Variants in CSF1R observed in about 807,000 individuals in gnomAD.
CSF1R encodes the protein colony stimulating factor 1 receptor.
A neutral mutation model predicts 110.0 loss-of-function variants in CSF1R; 40 were observed. That is an observed-to-expected ratio of 0.36 (90% CI 0.28 to 0.47). CSF1R has a LOEUF of 0.47. Among genes scored for constraint, CSF1R ranks in the 20% least tolerant of loss-of-function variants. The pLI is 0.99. For synonymous variants in CSF1R, 523 were observed against 503.4 expected (o/e 1.04, Z -0.52); for missense variants, 1,052 against 1,253.0 (o/e 0.84, Z 2.42).
intron 1 of CSF1R, among the ~76,000 whole-genome samples, chr5:150,098,695 G>A (rs1419059045): frequency 6.6e-6 from 1 of 151,850 alleles, no homozygotes; most frequent in Non-Finnish European, 1.5e-5. Flanking sequence ...TAAAAACAAG[G>A]AAAACATTGA....
intron 19 of CSF1R, 164 bp from the exon 20 acceptor site, chr5:150,054,594 C>T (rs1757106580): frequency 3.3e-6 from 2 of 597,852 alleles, no homozygotes; most frequent in Non-Finnish European, 5.9e-6. Flanking sequence ...CCATTTAATC[C>T]TCACAGTAAC....
At chr5:150,109,063 C>G (rs1418960253) in intron 1 of CSF1R, among the ~76,000 whole-genome samples, 1 of 126,896 alleles carries the variant, frequency 7.9e-6, no homozygotes, top group African/African-American at 3.0e-5. Context: ...AGCCCGCCCC[C>G]CCCCCACCAC....
Position 150,060,919 on chromosome 5 carries a change from T to C in CSF1R, c.1912A>G (p.Ser638Gly). The change falls in exon 13 of 21, where the codon AGC becomes GGC. Residue 638 changes from serine (S) to glycine (G), a missense_variant. Physicochemically the swap from Ser to Gly is moderately conservative, Grantham distance 56. This residue lies in a region of CSF1R where 76 missense variants were observed against 133.6 expected (regional missense o/e 0.57). Coordinates refer to ENST00000675795, the MANE Select transcript of CSF1R (RefSeq NM_001288705.3). ...EALMSELKIMSHLGQHENIVN... is the reference protein window; with the variant it reads ...EALMSELKIMGHLGQHENIVN... Reference sequence around the variant, plus strand: ...ATGTTCTCGTGCTGGCCCAGGTGGCTCATGATCTTCAGCTCGGACATGAGG... The same window carrying C: ...ATGTTCTCGTGCTGGCCCAGGTGGCCCATGATCTTCAGCTCGGACATGAGG... 1 of 1,611,216 alleles carries C rather than the reference T, an allele frequency of 6.2e-7. No individual in the cohort carries two copies. The highest frequency in any genetic ancestry group is 8.5e-7 in the Non-Finnish European group (1 of 1,178,740).
At chr5:150,070,343 G>T in intron 7 of CSF1R, 41 bp from the exon 8 acceptor site, 1 of 1,604,336 alleles carries the variant, frequency 6.2e-7, no homozygotes. Flanking sequence ...CACTTTCCCC[G>T]CCACCTCCCA....
intron 18 of CSF1R, 140 bp downstream of exon 18, chr5:150,055,886 C>T: frequency 2.8e-6 from 2 of 710,110 alleles, no homozygotes. Flanking sequence ...AGCCACGATG[C>T]TGGGTTTCGA....
intron 1 of CSF1R, chr5:150,094,598 T>C (rs1200990737): frequency 3.8e-6 from 6 of 1,571,998 alleles, no homozygotes; most frequent in African/African-American, 1.3e-5. Context: ...GAGGTATCAA[T>C]GGAGTGAGCC....
At position 150,057,401 on chromosome 5, in the gene CSF1R, C is replaced by T. The variant is rs372508167; in HGVS notation, c.2222-17G>A. On this transcript the variant is annotated splice_polypyrimidine_tract_variant and intron_variant, in intron 15 of 20. Transcript: ENST00000675795. ...TGTCCAGGTCTAGGGTGGGAAGAGG[C>T]GTCAGGGCAGCCCTGCCACACTCCC... is the stretch of plus-strand genomic sequence containing the variant. 2.0e-5 allele frequency: 32 copies of T among 1,612,728 alleles called. No individual in the cohort carries two copies. The highest frequency in any genetic ancestry group is 1.1e-4 in the African/African-American group (8 of 74,920).
chr5:150,092,816 T>C (rs1241981061), intron 1 of CSF1R, among the ~76,000 whole-genome samples: 2 of 152,164 alleles, frequency 1.3e-5, no homozygotes, highest in African/African-American at 2.4e-5. Flanking sequence ...ATCACCTACA[T>C]ACCTATGATA....
At chr5:150,088,927 A>G (rs1467578226), upstream of CSF1R, among the ~76,000 whole-genome samples, 1 of 152,248 alleles carries the variant, frequency 6.6e-6, no homozygotes, top group Admixed American at 6.5e-5. Context: ...TTAACACATG[A>G]AAATCAGGGT....
intron 3 of CSF1R, 23 bp downstream of exon 3, chr5:150,080,029 G>T: frequency 1.2e-6 from 2 of 1,604,172 alleles, no homozygotes; most frequent in Non-Finnish European, 1.7e-6. Context: ...AGGCCTGGCT[G>T]CCGGTCCCCA....
At chr5:150,106,625 A>G (rs1355106211) in intron 1 of CSF1R, among the ~76,000 whole-genome samples, 1 of 152,150 alleles carries the variant, frequency 6.6e-6, no homozygotes, top group Non-Finnish European at 1.5e-5. Flanking sequence ...TTGGAGTACT[A>G]TGGGGTATTT....
Position 150,078,159 on chromosome 5 carries a change from T to A in CSF1R, c.682A>T (p.Ser228Cys). The change falls in exon 4 of 21, where the codon AGC becomes TGC. Residue 228 changes from serine to cysteine, a missense_variant. Ser to Cys is a moderately radical substitution (Grantham distance 112). This residue lies in a region of CSF1R where 693 missense variants were observed against 735.4 expected (regional missense o/e 0.94). Coordinates refer to ENST00000675795, the MANE Select transcript of CSF1R (RefSeq NM_001288705.3). ...EAAQIVCSAS[S>C]VDVNFDVFLQ... ...AAGACATCAAAGTTAACATCAACGCTGCTGGCTGAGCACACGATCTGGGCA... is the reference window on the plus strand; with the variant it reads ...AAGACATCAAAGTTAACATCAACGCAGCTGGCTGAGCACACGATCTGGGCA... The A allele has an allele frequency of 1.2e-6, 2 of 1,614,136 alleles. No homozygotes were observed.
intron 6 of CSF1R, among the ~76,000 whole-genome samples, chr5:150,072,027 G>A (rs1028275813): frequency 6.6e-6 from 1 of 152,218 alleles, no homozygotes; most frequent in African/African-American, 2.4e-5. Context: ...TCTCTCATGA[G>A]CCAACTATGC....
At chr5:150,076,509 G>A (rs538088074) in intron 5 of CSF1R, among the ~76,000 whole-genome samples, 62 of 152,290 alleles carry the variant, frequency 4.1e-4, no homozygotes, top group African/African-American at 1.5e-3. Context: ...GCCCTGGAGT[G>A]TGTGCTCCTG....
Position 150,057,487 on chromosome 5 carries a change from C to T in CSF1R, c.2221+17G>A. 6.2e-7 allele frequency: 1 copy of T among 1,613,578 alleles called. No individual in the cohort carries two copies. The highest frequency in any genetic ancestry group is 8.5e-7 in the Non-Finnish European group (1 of 1,179,474). Reference sequence around the variant, plus strand: ...TTGTTATCAAGCAAATGGGGCCTGGCCCTGGGACCTCCTCACCTTGCTCAG... The same window carrying T: ...TTGTTATCAAGCAAATGGGGCCTGGTCCTGGGACCTCCTCACCTTGCTCAG... On this transcript the variant is annotated intron_variant, in intron 15 of 20. Transcript: ENST00000675795.
At chr5:150,060,758 G>A in intron 13 of CSF1R, 104 bp downstream of exon 13, 1 of 689,246 alleles carries the variant, frequency 1.5e-6, no homozygotes, top group East Asian at 2.7e-5. Flanking sequence ...GACACTTGGA[G>A]CAGTAGGATC....
At chr5:150,068,369 G>C (rs1757874728) in intron 9 of CSF1R, 39 bp from the exon 10 acceptor site, 3 of 1,493,032 alleles carry the variant, frequency 2.0e-6, no homozygotes, top group Admixed American at 3.4e-5. Flanking sequence ...AGGCAGGGGT[G>C]CCTCCGAGCC....
intron 12 of CSF1R, 52 bp downstream of exon 12, chr5:150,061,439 C>T (rs1757517392): frequency 1.1e-6 from 1 of 881,292 alleles, no homozygotes; most frequent in Non-Finnish European, 1.7e-6. Context: ...GCCAGCCCAC[C>T]CCCAGCATCT....
intron 1 of CSF1R, among the ~76,000 whole-genome samples, chr5:150,109,757 C>T (rs1262681120): frequency 1.3e-5 from 2 of 152,182 alleles, no homozygotes; most frequent in Non-Finnish European, 2.9e-5. Flanking sequence ...CTTTACTCAA[C>T]AACTCAATGT....
Sources: allele counts gnomAD v4.1 joint callset (sites outside exome capture counted in the v4.1 genomes callset), GRCh38; gene constraint gnomAD v4.1.1; regional missense constraint gnomAD v4.1.1; transcripts MANE v1.5; gene names NCBI Gene and HGNC (gene_info 2026-07-23, HGNC 2026-07-21).